The following MMS19 variants were observed in gnomAD, a reference collection of about 807,000 sequenced individuals.
The protein encoded by MMS19 is MMS19 nucleotide excision repair protein homolog.
Under a neutral mutation model 129.8 loss-of-function variants are expected in MMS19, and 77 were observed. That is an observed-to-expected ratio of 0.59 (90% CI 0.49 to 0.72). The LOEUF (loss-of-function observed/expected upper bound fraction) is 0.72, where lower values mean the gene tolerates loss of function less well. Ranked by LOEUF, MMS19 falls within the 30% of genes least tolerant of loss-of-function variation. MMS19 has a pLI of 0.00. For missense variants in MMS19, 1,168 were observed against 1,266.3 expected (o/e 0.92, Z 1.18); for synonymous variants, 491 against 502.8 (o/e 0.98, Z 0.31).
At chr10:97,468,130 G>T in intron 13 of MMS19, 122 bp downstream of exon 13, 1 of 851,308 alleles carries the variant, frequency 1.2e-6, no homozygotes, top group Non-Finnish European at 1.7e-6. Context: ...AGCAGCAGCA[G>T]CTAATGGGAG....
At chr10:97,476,076 A>C (rs2035702706) in intron 8 of MMS19, among the ~76,000 whole-genome samples, 1 of 152,202 alleles carries the variant, frequency 6.6e-6, no homozygotes, top group Non-Finnish European at 1.5e-5. Context: ...TGCAGCACAC[A>C]CACCCACACG....
intron 10 of MMS19, 62 bp downstream of exon 10, chr10:97,470,067 T>C (rs1326021448): frequency 4.4e-6 from 5 of 1,128,656 alleles, no homozygotes; most frequent in Non-Finnish European, 6.6e-6. Flanking sequence ...AGAATCTATA[T>C]CCTTTAGGAC....
chr10:97,469,144 C>T, intron 11 of MMS19, 40 bp from the exon 12 acceptor site: 1 of 1,545,816 alleles, frequency 6.5e-7, no homozygotes, highest in African/African-American at 1.4e-5. Flanking sequence ...GGTGAGCCTG[C>T]ACCAGATGAG....
At position 97,458,496 on chromosome 10, in the gene MMS19, C is replaced by T. The variant is rs1403325180; in HGVS notation, c.*196G>A. 2 of 603,178 alleles carry T rather than the reference C, an allele frequency of 3.3e-6. No individual in the cohort carries two copies. The highest frequency in any genetic ancestry group is 5.6e-5 in the East Asian group (2 of 35,968). The allele number at this position is 603,178 out of a possible 1,614,324, so 37.4% of individuals were successfully genotyped here. On this transcript the variant is annotated 3_prime_UTR_variant, in exon 31 of 31. Transcript: ENST00000438925. Reference sequence around the variant, plus strand: ...TCTTCAAACGCAAGTGTCTCACACACACTTATTTTACAAATCCACTAGAAA... The same window carrying T: ...TCTTCAAACGCAAGTGTCTCACACATACTTATTTTACAAATCCACTAGAAA...
rs918433031 is a variant in MMS19 at position 97,487,411 on chromosome 10, C to T, written c.113-3260G>A. Reference sequence around the variant, plus strand: ...TCGGCTCACTGCAAGCTCCGCCTCCCGGGTTCATGCCATTCTCCTGCCTCA... The same window carrying T: ...TCGGCTCACTGCAAGCTCCGCCTCCTGGGTTCATGCCATTCTCCTGCCTCA... On this transcript the variant is annotated intron_variant, in intron 1 of 30. Coordinates refer to ENST00000438925, the MANE Select transcript of MMS19 (RefSeq NM_022362.5). 5.7e-4 allele frequency among the ~76,000 whole-genome samples: 86 copies of T among 151,878 alleles called. No individual in the cohort carries two copies. The East Asian group carries it at 5.8e-3, about 10-fold the overall frequency.
chr10:97,486,245 G>C (rs28987110), intron 1 of MMS19, among the ~76,000 whole-genome samples: 5,350 of 152,266 alleles, frequency 0.035, 144 homozygotes, highest in Non-Finnish European at 0.056. Context: ...GCAGTGGTGT[G>C]ATCCCAGCTC....
At chr10:97,485,985 A>G (rs2037777139) in intron 1 of MMS19, among the ~76,000 whole-genome samples, 1 of 152,204 alleles carries the variant, frequency 6.6e-6, no homozygotes, top group African/African-American at 2.4e-5. Context: ...TACATATCCA[A>G]AGGAAATGAA....
chr10:97,494,421 T>G, intron 1 of MMS19, among the ~76,000 whole-genome samples: 1 of 151,948 alleles, frequency 6.6e-6, no homozygotes, highest in Non-Finnish European at 1.5e-5. Flanking sequence ...GGGAAGCGGG[T>G]AGGGTGGGAG....
At chr10:97,495,535 C>T (rs1374798627) in intron 1 of MMS19, among the ~76,000 whole-genome samples, 6 of 152,196 alleles carry the variant, frequency 3.9e-5, no homozygotes, top group African/African-American at 1.2e-4. Context: ...ATTCTATAAA[C>T]GCTTCAACAC....
chr10:97,495,852 G>A (rs29001259), intron 1 of MMS19, among the ~76,000 whole-genome samples: 1 of 152,118 alleles, frequency 6.6e-6, no homozygotes, highest in Admixed American at 6.5e-5. Flanking sequence ...CGCGATCTCC[G>A]CTCACGGCAG....
intron 3 of MMS19, 29 bp downstream of exon 3, chr10:97,480,913 G>C (rs1245660942): frequency 1.3e-6 from 2 of 1,499,986 alleles, no homozygotes; most frequent in African/African-American, 1.4e-5. Context: ...AGCAATCCAG[G>C]AAGACATTCC....
intron 9 of MMS19, 58 bp downstream of exon 9, chr10:97,470,717 C>G: frequency 3.6e-6 from 4 of 1,126,140 alleles, no homozygotes; most frequent in Admixed American, 1.9e-5. Context: ...TTTTACTGCT[C>G]TTTCTTCAGA....
intron 18 of MMS19, among the ~76,000 whole-genome samples, chr10:97,465,112 C>T (rs564594168): frequency 2.0e-5 from 3 of 151,964 alleles, no homozygotes; most frequent in Admixed American, 2.0e-4. Flanking sequence ...CAGGTTCAAA[C>T]GATTATCCTG....
chr10:97,489,149 C>T (rs1363569346), intron 1 of MMS19, among the ~76,000 whole-genome samples: 1 of 151,968 alleles, frequency 6.6e-6, no homozygotes, highest in African/African-American at 2.4e-5. Flanking sequence ...CCTGTAGCTA[C>T]TTTTAAAAAG....
chr10:97,466,033 G>C, intron 17 of MMS19, 26 bp downstream of exon 17: 1 of 1,612,670 alleles, frequency 6.2e-7, no homozygotes, highest in Non-Finnish European at 8.5e-7. Flanking sequence ...GAAAGGGATG[G>C]GCCACAGAGG....
intron 1 of MMS19, among the ~76,000 whole-genome samples, chr10:97,493,343 G>A (rs543771325): frequency 6.6e-6 from 1 of 152,304 alleles, no homozygotes; most frequent in African/African-American, 2.4e-5. Flanking sequence ...ACAGTAGGCT[G>A]AGGCTAGAGG....
At chr10:97,491,164 G>C (rs946867263) in intron 1 of MMS19, among the ~76,000 whole-genome samples, 17 of 152,306 alleles carry the variant, frequency 1.1e-4, no homozygotes, top group African/African-American at 4.1e-4. Context: ...GGCACAGAAG[G>C]AGTTAATAAT....
At chr10:97,484,251 G>T in intron 1 of MMS19, 100 bp from the exon 2 acceptor site, 1 of 754,292 alleles carries the variant, frequency 1.3e-6, no homozygotes, top group Non-Finnish European at 2.1e-6. Flanking sequence ...CCTAGGCTTT[G>T]TACCTGGGGG....
Position 97,466,047 on chromosome 10 carries a change from A to T in MMS19, c.1606+12T>A. On this transcript the variant is annotated intron_variant, in intron 17 of 30. Coordinates refer to ENST00000438925, the MANE Select transcript of MMS19 (RefSeq NM_022362.5). ...GGAAAGGGATGGGCCACAGAGGATTAGAGACACATACCTACACGCAGCTCC... is the reference window on the plus strand; with the variant it reads ...GGAAAGGGATGGGCCACAGAGGATTTGAGACACATACCTACACGCAGCTCC... 6.2e-7 allele frequency: 1 copy of T among 1,613,614 alleles called. No homozygotes were observed.
Sources: gnomAD v4.1 joint callset for allele counts (sites outside exome capture counted in the v4.1 genomes callset) on GRCh38, gnomAD v4.1.1 for gene constraint, MANE v1.5 for transcripts, NCBI Gene and HGNC (gene_info 2026-07-23, HGNC 2026-07-21) for gene names.